CDK2: variants seen among roughly 807,000 people sequenced by gnomAD.
The protein encoded by CDK2 is cyclin dependent kinase 2, also known as cyclin-dependent kinase 2.
Under a neutral mutation model 35.0 loss-of-function variants are expected in CDK2, and 8 were observed. That is an observed-to-expected ratio of 0.23 (90% CI 0.13 to 0.41). CDK2 has a LOEUF of 0.41. Ranked by LOEUF, CDK2 falls within the 10% of genes least tolerant of loss-of-function variation. CDK2 has a pLI of 1.00. For missense variants in CDK2, 201 were observed against 367.1 expected (o/e 0.55, Z 3.70); for synonymous variants, 134 against 137.7 (o/e 0.97, Z 0.19).
In CDK2 at chr12:55,968,962, T is replaced by G. The variant is rs1889408001; in HGVS notation, c.486+14T>G. The G allele has an allele frequency of 6.5e-7, 1 of 1,549,314 alleles. No homozygotes were observed. ...TACACCCATGAGGTGAGTCCCTTTATGTCTTTTTTCTCTGAGCTTCCCAAG... is the reference window on the plus strand; with the variant it reads ...TACACCCATGAGGTGAGTCCCTTTAGGTCTTTTTTCTCTGAGCTTCCCAAG... On this transcript the variant is annotated intron_variant, in intron 4 of 6. Transcript: ENST00000266970.
chr12:55,969,771 A>C, intron 5 of CDK2, 195 bp downstream of exon 5: 1 of 415,866 alleles, frequency 2.4e-6, no homozygotes. Flanking sequence ...GATATCCTCA[A>C]ACAGCCTTAG....
At position 55,966,997 on chromosome 12, in the gene CDK2, C is replaced by G. The variant is rs769282649; in HGVS notation, c.-12C>G. 3 of 1,601,216 alleles carry G rather than the reference C, an allele frequency of 1.9e-6. No homozygotes were observed. Among genetic ancestry groups the G allele is most frequent in the Non-Finnish European group, 2.6e-6 (3 of 1,171,880 alleles). On this transcript the variant is annotated 5_prime_UTR_variant, in exon 1 of 7. Transcript: ENST00000266970. Reference sequence around the variant, plus strand: ...GCTCCAGGGCCGGGCTGACCCGACTCGCTGGCGCTTCATGGAGAACTTCCA... The same window carrying G: ...GCTCCAGGGCCGGGCTGACCCGACTGGCTGGCGCTTCATGGAGAACTTCCA...
At chr12:55,968,197 C>G (rs1262309733) in intron 3 of CDK2, 28 bp downstream of exon 3, 3 of 1,612,388 alleles carry the variant, frequency 1.9e-6, no homozygotes, top group African/African-American at 1.3e-5. Flanking sequence ...CTCCTCTCAT[C>G]ATGGGCATGT....
In CDK2 at chr12:55,971,532, C is replaced by T. The variant is rs771357971; in HGVS notation, c.804C>T (p.His268=). 1.8e-5 allele frequency: 29 copies of T among 1,613,658 alleles called. No homozygotes were observed. Among genetic ancestry groups the T allele is most frequent in the Non-Finnish European group, 2.4e-5 (28 of 1,179,642 alleles). The change falls in exon 7 of 7, where the codon CAC becomes CAT. Residue 268 remains histidine, a synonymous_variant. Coordinates refer to ENST00000266970, the MANE Select transcript of CDK2 (RefSeq NM_001798.5). The part of the protein sequence containing the change: ...DGRSLLSQML[H]YDPNKRISAK... ...ATCTCTCCCTCTAGCAAATGCTGCA[C>T]TACGACCCTAACAAGCGGATTTCGG... is the stretch of plus-strand genomic sequence containing the variant.
chr12:55,968,963 G>A lies in CDK2; in HGVS notation c.486+15G>A. On this transcript the variant is annotated intron_variant, in intron 4 of 6. Coordinates refer to ENST00000266970, the MANE Select transcript of CDK2 (RefSeq NM_001798.5). ...ACACCCATGAGGTGAGTCCCTTTATGTCTTTTTTCTCTGAGCTTCCCAAGA... is the reference window on the plus strand; with the variant it reads ...ACACCCATGAGGTGAGTCCCTTTATATCTTTTTTCTCTGAGCTTCCCAAGA... 1 of 1,545,468 alleles carries A rather than the reference G, an allele frequency of 6.5e-7. No homozygotes were observed. Among genetic ancestry groups the A allele is most frequent in the Non-Finnish European group, 8.7e-7 (1 of 1,147,438 alleles).
At position 55,969,681 on chromosome 12, in the gene CDK2, G is replaced by A. The variant is rs1196689303; in HGVS notation, c.588+105G>A. ...CCAGACCTATGGCCCTTCTATCACA[G>A]GGTTCTCTCTCTAAAGTAGCACCAA... is the stretch of plus-strand genomic sequence containing the variant. On this transcript the variant is annotated intron_variant, in intron 5 of 6. Transcript: ENST00000266970. 1.7e-5 allele frequency: 10 copies of A among 572,764 alleles called. No individual in the cohort carries two copies. In the Admixed American group the frequency reaches 3.4e-4, roughly 20 times the overall value. The allele number at this position is 572,764 out of a possible 1,614,324, so 35.5% of individuals were successfully genotyped here. A position where few individuals can be genotyped will look rare whatever the true frequency, so the allele number is the denominator to read the frequency against.
Position 55,966,927 on chromosome 12 carries a change from C to T in CDK2, c.-82C>T. Reference sequence around the variant, plus strand: ...CTGGGCCCTGTTTCCCCCTCCTCGGCCCCCGAGAGCCAGGGTCCGCCTTCT... The same window carrying T: ...CTGGGCCCTGTTTCCCCCTCCTCGGTCCCCGAGAGCCAGGGTCCGCCTTCT... On this transcript the variant is annotated 5_prime_UTR_variant, in exon 1 of 7. Coordinates refer to ENST00000266970, the MANE Select transcript of CDK2 (RefSeq NM_001798.5). 1 of 1,168,698 alleles carries T rather than the reference C, an allele frequency of 8.6e-7. No homozygotes were observed. The highest frequency in any genetic ancestry group is 1.2e-6 in the Non-Finnish European group (1 of 807,840). The allele number at this position is 1,168,698 out of a possible 1,614,324, so 72.4% of individuals were successfully genotyped here.
In CDK2 at chr12:55,967,136, CTG is replaced by C. The variant is rs1565780104; in HGVS notation, c.116+14_116+15del. The C allele has an allele frequency of 6.3e-7, 1 of 1,590,026 alleles. No individual in the cohort carries two copies. Among genetic ancestry groups the C allele is most frequent in the South Asian group, 1.1e-5 (1 of 89,152 alleles). On this transcript the variant is annotated intron_variant, in intron 1 of 6. Transcript: ENST00000266970. ...ATCCGCCTGGACACGTGAGTGGCCTCTGTACCCGGGACTCCTAACTGGGGACC... is the reference window on the plus strand; with the variant it reads ...ATCCGCCTGGACACGTGAGTGGCCTCTACCCGGGACTCCTAACTGGGGACC...
Position 55,972,446 on chromosome 12 carries a change from T to C in CDK2, c.*821T>C, listed in dbSNP as rs1000568856. On this transcript the variant is annotated 3_prime_UTR_variant, in exon 7 of 7. Coordinates refer to ENST00000266970, the MANE Select transcript of CDK2 (RefSeq NM_001798.5). The stretch of plus-strand genomic sequence containing the variant: ...CCTCCTACCCCATAGGAGTTAGAAG[T>C]TAGGGTTTAGGCATCATTTTGAGAA... 7 of 152,164 alleles carry C rather than the reference T, an allele frequency of 4.6e-5. No individual in the cohort carries two copies. Among genetic ancestry groups the C allele is most frequent in the Non-Finnish European group, 1.0e-4 (7 of 68,016 alleles). The allele number at this position is 152,164 out of a possible 1,614,324, so 9.4% of individuals were successfully genotyped here. A position where few individuals can be genotyped will look rare whatever the true frequency, so the allele number is the denominator to read the frequency against.
In CDK2 at chr12:55,966,868, A is replaced by G; in HGVS notation, c.-141A>G. ...GGCCAAATTGACAAGAGCGAGAGGTATACTGCGTTCCATCCCGACCCGGGG... is the reference window on the plus strand; with the variant it reads ...GGCCAAATTGACAAGAGCGAGAGGTGTACTGCGTTCCATCCCGACCCGGGG... On this transcript the variant is annotated 5_prime_UTR_variant, in exon 1 of 7. Transcript: ENST00000266970. 1 of 864,018 alleles carries G rather than the reference A, an allele frequency of 1.2e-6. No individual in the cohort carries two copies. 53.5% of individuals were successfully genotyped at this position (864,018 alleles called of 1,614,324 possible).
intron 6 of CDK2, 65 bp from the exon 7 acceptor site, chr12:55,971,456 G>A: frequency 7.7e-7 from 1 of 1,300,242 alleles, no homozygotes; most frequent in Non-Finnish European, 1.1e-6. Flanking sequence ...TGATTTCTGG[G>A]AACACCTGCT....
At chr12:55,969,017 C>T in intron 4 of CDK2, 69 bp downstream of exon 4, 1 of 1,171,170 alleles carries the variant, frequency 8.5e-7, no homozygotes, top group Non-Finnish European at 1.2e-6. Flanking sequence ...CACAAAGTTA[C>T]TAAAAATATC....
At chr12:55,971,357 G>A in intron 6 of CDK2, 110 bp downstream of exon 6, 2 of 1,186,826 alleles carry the variant, frequency 1.7e-6, no homozygotes, top group South Asian at 2.6e-5. Flanking sequence ...TCATTTCCCT[G>A]GTTCCTGCTC....
In CDK2 at chr12:55,971,130, G is replaced by A; in HGVS notation, c.675G>A (p.Val225=). 1 of 1,614,128 alleles carries A rather than the reference G, an allele frequency of 6.2e-7. No homozygotes were observed. Among genetic ancestry groups the A allele is most frequent in the Non-Finnish European group, 8.5e-7 (1 of 1,180,010 alleles). ...IFRTLGTPDE[V]VWPGVTSMPD... Reference sequence around the variant, plus strand: ...GGACTCTGGGGACCCCAGATGAGGTGGTGTGGCCAGGAGTTACTTCTATGC... The same window carrying A: ...GGACTCTGGGGACCCCAGATGAGGTAGTGTGGCCAGGAGTTACTTCTATGC... The change falls in exon 6 of 7, where the codon GTG becomes GTA. Residue 225 remains valine (V), a synonymous_variant. Transcript: ENST00000266970.
rs773811074 is a variant in CDK2, at chr12:55,967,173, G to T, written c.116+49G>T. On this transcript the variant is annotated intron_variant, in intron 1 of 6. Coordinates refer to ENST00000266970, the MANE Select transcript of CDK2 (RefSeq NM_001798.5). Reference sequence around the variant, plus strand: ...CTCCTAACTGGGGACCTCCTTGATTGTCCCCCCCAACCCCCCACGGGCGGG... The same window carrying T: ...CTCCTAACTGGGGACCTCCTTGATTTTCCCCCCCAACCCCCCACGGGCGGG... 9 of 1,408,178 alleles carry T rather than the reference G, an allele frequency of 6.4e-6. 1 individual carries two copies. The South Asian group carries it at 1.1e-4, about 17-fold the overall frequency. 87.2% of individuals were successfully genotyped at this position (1,408,178 alleles called of 1,614,324 possible).
In CDK2 at chr12:55,971,199, T is replaced by C. The variant is rs777559944; in HGVS notation, c.744T>C (p.Phe248=). Residue 248 remains phenylalanine, a synonymous_variant, in exon 6 of 7, where the codon TTT becomes TTC. Transcript: ENST00000266970. ...PSFPKWARQD[F]SKVVPPLDED... Reference sequence around the variant, plus strand: ...TCCCCAAGTGGGCCCGGCAAGATTTTAGTAAAGTTGTACCTCCCCTGGATG... The same window carrying C: ...TCCCCAAGTGGGCCCGGCAAGATTTCAGTAAAGTTGTACCTCCCCTGGATG... 6 of 1,614,146 alleles carry C rather than the reference T, an allele frequency of 3.7e-6. No homozygotes were observed. Among genetic ancestry groups the C allele is most frequent in the Non-Finnish European group, 4.2e-6 (5 of 1,180,028 alleles).
At chr12:55,969,708 G>A in intron 5 of CDK2, 132 bp downstream of exon 5, 1 of 499,614 alleles carries the variant, frequency 2.0e-6, no homozygotes, top group Non-Finnish European at 3.6e-6. Context: ...TAGCACCAAG[G>A]GGAATGGTGG....
Position 55,968,118 on chromosome 12 carries a change from G to T in CDK2, c.264G>T (p.Lys88Asn). Residue 88 changes from lysine to asparagine, a missense_variant, in exon 3 of 7, where the codon AAG becomes AAT. Lys to Asn is a moderately conservative substitution (Grantham distance 94). Around this residue, in one of 5 missense-constraint regions of CDK2, gnomAD observed 37 missense variants for 108.4 expected, o/e 0.34. Coordinates refer to ENST00000266970, the MANE Select transcript of CDK2 (RefSeq NM_001798.5). The stretch of plus-strand genomic sequence containing the variant: ...TTGAATTTCTGCACCAAGATCTCAA[G>T]AAATTCATGGATGCCTCTGCTCTCA... ...LVFEFLHQDL[K>N]KFMDASALTG... 6.2e-7 allele frequency: 1 copy of T among 1,614,066 alleles called. No individual in the cohort carries two copies. Among genetic ancestry groups the T allele is most frequent in the African/African-American group, 1.3e-5 (1 of 75,012 alleles).
Position 55,968,781 on chromosome 12 carries a change from T to C in CDK2, c.319T>C (p.Tyr107His), listed in dbSNP as rs777345603. The C allele has an allele frequency of 1.3e-6, 2 of 1,591,990 alleles. No homozygotes were observed. The highest frequency in any genetic ancestry group is 4.5e-5 in the East Asian group (2 of 44,492). ...TGIPLPLIKS[Y>H]LFQLLQGLAF... Reference sequence around the variant, plus strand: ...TCCTCTCTTTCTCCTTTGTCAGAGCTATCTGTTCCAGCTGCTCCAGGGCCT... The same window carrying C: ...TCCTCTCTTTCTCCTTTGTCAGAGCCATCTGTTCCAGCTGCTCCAGGGCCT... Residue 107 changes from tyrosine to histidine, a missense_variant, in exon 4 of 7, where the codon TAT becomes CAT. Around this residue, in one of 5 missense-constraint regions of CDK2, gnomAD observed 47 missense variants for 59.5 expected, o/e 0.79. Transcript: ENST00000266970.
Sources: allele counts gnomAD v4.1 joint callset, GRCh38; gene constraint gnomAD v4.1.1; regional missense constraint gnomAD v4.1.1; transcripts MANE v1.5; gene names NCBI Gene and HGNC (gene_info 2026-07-23, HGNC 2026-07-21).